Variants in SLF2 observed in about 807,000 individuals in gnomAD.
SLF2 encodes the protein SMC5-SMC6 complex localization factor protein 2.
A neutral mutation model predicts 124.3 loss-of-function variants in SLF2; 68 were observed. The ratio of observed to expected loss-of-function variants is 0.55; its 90% CI spans 0.45 to 0.67. The LOEUF (loss-of-function observed/expected upper bound fraction) is 0.67, where lower values mean the gene tolerates loss of function less well. Among genes scored for constraint, SLF2 ranks in the 30% least tolerant of loss-of-function variants. The probability of loss-of-function intolerance (pLI) is 0.00; values close to 1 mark genes in which losing one functional copy is unlikely to be tolerated. For synonymous variants in SLF2, 480 were observed against 478.8 expected, an observed-to-expected ratio of 1.00 and a Z score of -0.03; for missense variants, 1,246 against 1,373.7, an observed-to-expected ratio of 0.91 and a Z score of 1.47.
chr10:100,948,383 C>A (rs976657022), intron 15 of SLF2, among the ~76,000 whole-genome samples: 4 of 152,170 alleles, frequency 2.6e-5, no homozygotes, highest in Non-Finnish European at 5.9e-5. Flanking sequence ...ATCGTCCCAG[C>A]TACTTGGGAG....
At chr10:100,950,780 C>A in intron 17 of SLF2, 27 bp downstream of exon 17, 2 of 1,577,208 alleles carry the variant, frequency 1.3e-6, no homozygotes, top group South Asian at 1.1e-5. Flanking sequence ...GTTGTTGCTG[C>A]TGTTTTTAAA....
chr10:100,930,179 G>C (rs1448887696), intron 8 of SLF2, among the ~76,000 whole-genome samples, 182 bp downstream of exon 8: 1 of 152,116 alleles, frequency 6.6e-6, no homozygotes, highest in Admixed American at 6.5e-5. Context: ...TAGGATAGTT[G>C]TTTGACACAT....
chr10:100,932,847 T>C (rs12241232), intron 9 of SLF2, among the ~76,000 whole-genome samples: 39,551 of 149,050 alleles, frequency 0.27, 5,870 homozygotes, highest in East Asian at 0.56. Context: ...TTTTAAAGTG[T>C]AAAGTAGTTG....
In SLF2 at chr10:100,917,183, T is replaced by G. The variant is rs1051803003; in HGVS notation, c.798T>G (p.Ser266=). ...QMEQRINSEN[S]FSEASSLSLK... The stretch of plus-strand genomic sequence containing the variant: ...AGCAGAGAATCAACTCCGAGAATTC[T>G]TTCTCAGAAGCAAGCAGTCTTTCCT... The change falls in exon 3 of 20, where the codon TCT becomes TCG. Residue 266 remains serine (S), a synonymous_variant. Transcript: ENST00000238961. 1.2e-6 allele frequency: 2 copies of G among 1,613,886 alleles called. No homozygotes were observed. The highest frequency in any genetic ancestry group is 2.7e-5 in the African/African-American group (2 of 74,826).
At chr10:100,932,720 T>TGTGTGTGTGTGCGC (rs763852210) in intron 9 of SLF2, among the ~76,000 whole-genome samples, 3 of 36,226 alleles carry the variant, frequency 8.3e-5, no homozygotes, top group Non-Finnish European at 1.1e-4. Flanking sequence ...TGTGTGTGTG[T>TGTGTGTGTGTGCGC]GCGCGCGCGC....
intron 6 of SLF2, 189 bp downstream of exon 6, chr10:100,926,208 A>G (rs1849609595): frequency 6.5e-7 from 1 of 1,546,144 alleles, no homozygotes; most frequent in Middle Eastern, 1.9e-4. Flanking sequence ...ACACTTTGGG[A>G]GACCCAGGCA....
chr10:100,932,730 C>T (rs908149864), intron 9 of SLF2, among the ~76,000 whole-genome samples: 22 of 150,904 alleles, frequency 1.5e-4, no homozygotes, highest in Middle Eastern at 3.5e-3. Context: ...TGCGCGCGCG[C>T]GCGCGCGCAC....
At chr10:100,928,660 T>C (rs1018273964) in intron 6 of SLF2, among the ~76,000 whole-genome samples, 2 of 152,188 alleles carry the variant, frequency 1.3e-5, no homozygotes, top group Non-Finnish European at 2.9e-5. Flanking sequence ...CTAGACTCTC[T>C]CGCTATGAAT....
intron 9 of SLF2, among the ~76,000 whole-genome samples, chr10:100,931,694 A>C (rs1849738968): frequency 1.3e-5 from 2 of 152,020 alleles, no homozygotes; most frequent in African/African-American, 4.8e-5. Context: ...GAAGTTTCTT[A>C]CTCTTGACAT....
At chr10:100,940,563 T>C (rs1048719902) in intron 11 of SLF2, among the ~76,000 whole-genome samples, 1 of 152,174 alleles carries the variant, frequency 6.6e-6, no homozygotes, top group Non-Finnish European at 1.5e-5. Flanking sequence ...AGTTTTGCCA[T>C]GTTGCCCAGG....
At chr10:100,918,660 C>T (rs1849466929) in intron 4 of SLF2, among the ~76,000 whole-genome samples, 1 of 152,156 alleles carries the variant, frequency 6.6e-6, no homozygotes, top group East Asian at 1.9e-4. Flanking sequence ...CTTACTCTGT[C>T]ACCCAGGCTG....
At chr10:100,931,533 C>T (rs1205412382) in intron 9 of SLF2, among the ~76,000 whole-genome samples, 2 of 152,060 alleles carry the variant, frequency 1.3e-5, no homozygotes, top group Non-Finnish European at 2.9e-5. Context: ...CGCTTAAATC[C>T]ACTTAAATAA....
At chr10:100,950,869 T>G in intron 17 of SLF2, 116 bp downstream of exon 17, 1 of 773,024 alleles carries the variant, frequency 1.3e-6, no homozygotes, top group African/African-American at 1.8e-5. Flanking sequence ...ATATAAAAGC[T>G]AATTGATTTT....
chr10:100,940,381 A>G (rs1244431371), intron 11 of SLF2, among the ~76,000 whole-genome samples: 1 of 152,146 alleles, frequency 6.6e-6, no homozygotes, highest in Non-Finnish European at 1.5e-5. Context: ...TTTGTTTGAG[A>G]CAGGGTCTTG....
chr10:100,963,494 C>T lies in SLF2; in HGVS notation c.*1582C>T, dbSNP rs1850461113. ...ATACTACCTCTCAAGGGTATTGTTA[C>T]AAAATGCCACTTATGGTTAAAGAGA... On this transcript the variant is annotated 3_prime_UTR_variant, in exon 20 of 20. Transcript: ENST00000238961. The T allele has an allele frequency of 6.6e-6, 1 of 152,588 alleles. No homozygotes were observed. Among genetic ancestry groups the T allele is most frequent in the Admixed American group, 6.6e-5 (1 of 15,262 alleles). The allele number at this position is 152,588 out of a possible 1,614,324, so 9.5% of individuals were successfully genotyped here.
rs539069675 is a variant in SLF2, at chr10:100,913,030, C to A, written c.-81C>A. 301 of 1,503,332 alleles carry A rather than the reference C, an allele frequency of 2.0e-4. 4 individuals carry two copies. Among genetic ancestry groups the A allele is most frequent in the Admixed American group, 1.5e-3 (83 of 55,084 alleles). The allele number at this position is 1,503,332 out of a possible 1,614,324, so 93.1% of individuals were successfully genotyped here. On this transcript the variant is annotated 5_prime_UTR_variant, in exon 1 of 20. Coordinates refer to ENST00000238961, the MANE Select transcript of SLF2 (RefSeq NM_018121.4). ...GCCCACCTCTGCTCCGACAGCCTCC[C>A]GGAGTCCCAGCAGCAAGACGGCAAC...
intron 2 of SLF2, 73 bp downstream of exon 2, chr10:100,916,115 C>A (rs903231919): frequency 8.4e-7 from 1 of 1,189,970 alleles, no homozygotes; most frequent in Non-Finnish European, 1.2e-6. Context: ...AACTTTAAAA[C>A]CTACTCTAAA....
At chr10:100,957,907 G>T (rs1850362570) in intron 18 of SLF2, among the ~76,000 whole-genome samples, 1 of 152,142 alleles carries the variant, frequency 6.6e-6, no homozygotes, top group Non-Finnish European at 1.5e-5. Flanking sequence ...AAATGAGCCA[G>T]GTGTGGTGGT....
At chr10:100,951,924 A>G (rs1850221736) in intron 17 of SLF2, among the ~76,000 whole-genome samples, 1 of 152,128 alleles carries the variant, frequency 6.6e-6, no homozygotes, top group Admixed American at 6.6e-5. Flanking sequence ...TTCATATCTT[A>G]ACTATTCCAA....
Sources: allele counts gnomAD v4.1 joint callset (sites outside exome capture counted in the v4.1 genomes callset), GRCh38; gene constraint gnomAD v4.1.1; transcripts MANE v1.5; gene names NCBI Gene and HGNC (gene_info 2026-07-23, HGNC 2026-07-21).